The following SPATA33 variants were observed in gnomAD, a reference collection of about 807,000 sequenced individuals.
SPATA33 encodes spermatogenesis-associated protein 33.
SPATA33 carries 10 observed loss-of-function variants against 8.9 expected under a neutral mutation model. That is an observed-to-expected ratio of 1.12 (90% CI 0.69 to 1.90). The LOEUF is 1.90. SPATA33 is among the 40% of genes most tolerant of loss of function. The pLI, the probability that SPATA33 is intolerant of heterozygous loss-of-function variation, is 0.00. For synonymous variants in SPATA33, 96 were observed against 72.8 expected (o/e 1.32, Z -1.63); for missense variants, 241 against 178.3 (o/e 1.35, Z -2.00).
At chr16:89,658,038 G>T in intron 1 of SPATA33, 90 bp downstream of exon 1, 18 of 1,457,366 alleles carry the variant, frequency 1.2e-5, no homozygotes, top group South Asian at 1.0e-4. Context: ...CGGTGTGAGC[G>T]CAGGCGCCAG....
In SPATA33 at chr16:89,657,881, G is replaced by A. The variant is rs1328756743; in HGVS notation, c.-31G>A. Reference sequence around the variant, plus strand: ...CGGCCGCGGAGGTGTGGGGACCCGGGCTTGCGTCGGAGGGGGCGGTGGGCT... The same window carrying A: ...CGGCCGCGGAGGTGTGGGGACCCGGACTTGCGTCGGAGGGGGCGGTGGGCT... On this transcript the variant is annotated 5_prime_UTR_variant, in exon 1 of 3. Coordinates refer to ENST00000579310, the MANE Select transcript of SPATA33 (RefSeq NM_001271907.2). 4 of 1,516,622 alleles carry A rather than the reference G, an allele frequency of 2.6e-6. No individual in the cohort carries two copies. The South Asian group carries it at 3.7e-5, about 14-fold the overall frequency. 93.9% of individuals were successfully genotyped at this position (1,516,622 alleles called of 1,614,324 possible).
At position 89,660,739 on chromosome 16, in the gene SPATA33, C is replaced by G. The variant is rs11861615; in HGVS notation, c.211+2318C>G. The G allele has an allele frequency of 4.6e-3, 3,621 of 788,994 alleles. 106 individuals carry two copies. In the African/African-American group the frequency reaches 0.059, roughly 13 times the overall value. 48.9% of individuals were successfully genotyped at this position (788,994 alleles called of 1,614,324 possible). A position where few individuals can be genotyped will look rare whatever the true frequency, so the allele number is the denominator to read the frequency against. ...GTTGCTGGGCAGAAATGGGAGCCGG[C>G]CACAGCTGAGCACAAGAGGACTTTG... On this transcript the variant is annotated intron_variant, in intron 2 of 2. Transcript: ENST00000579310.
Position 89,658,393 on chromosome 16 carries a change from G to T in SPATA33, c.183G>T (p.Lys61Asn), listed in dbSNP as rs771371219. ...TCCACCCGGGGGCCGGGACAGCCAA[G>T]CACCCGCCGCCGGCAGCTTCGCTGG... ...DSLHPGAGTA[K>N]HPPPAASLEE... is the part of the protein sequence containing the mutation. The change falls in exon 2 of 3, where the codon AAG becomes AAT. Residue 61 changes from lysine (K) to asparagine (N), a missense_variant. By Grantham distance (94) the Lys-to-Asn change is moderately conservative. Transcript: ENST00000579310. 8.1e-6 allele frequency: 13 copies of T among 1,611,450 alleles called. No homozygotes were observed. Among genetic ancestry groups the T allele is most frequent in the Non-Finnish European group, 1.0e-5 (12 of 1,179,324 alleles).
Position 89,658,386 on chromosome 16 carries a change from C to T in SPATA33, c.176C>T (p.Thr59Ile). The T allele has an allele frequency of 6.2e-7, 1 of 1,612,342 alleles. No individual in the cohort carries two copies. Among genetic ancestry groups the T allele is most frequent in the Non-Finnish European group, 8.5e-7 (1 of 1,179,604 alleles). Residue 59 changes from threonine to isoleucine, a missense_variant, in exon 2 of 3, where the codon ACA becomes ATA. Coordinates refer to ENST00000579310, the MANE Select transcript of SPATA33 (RefSeq NM_001271907.2). ...PVDSLHPGAG[T>I]AKHPPPAASL... is the part of the protein sequence containing the mutation. ...GACAGCCTCCACCCGGGGGCCGGGA[C>T]AGCCAAGCACCCGCCGCCGGCAGCT... is the stretch of plus-strand genomic sequence containing the variant.
intron 1 of SPATA33, 79 bp downstream of exon 1, chr16:89,658,027 G>T: frequency 6.8e-7 from 1 of 1,468,740 alleles, no homozygotes; most frequent in East Asian, 2.6e-5. Flanking sequence ...GCTGGGCGGG[G>T]CGGTGTGAGC....
At position 89,658,339 on chromosome 16, in the gene SPATA33, C is replaced by G. The variant is rs144320409; in HGVS notation, c.129C>G (p.Asp43Glu). 11 of 1,613,858 alleles carry G rather than the reference C, an allele frequency of 6.8e-6. No individual in the cohort carries two copies. Among genetic ancestry groups the G allele is most frequent in the African/African-American group, 1.3e-5 (1 of 74,942 alleles). Residue 43 changes from aspartate (D) to glutamate (E), a missense_variant, in exon 2 of 3, where the codon GAC becomes GAG. Coordinates refer to ENST00000579310, the MANE Select transcript of SPATA33 (RefSeq NM_001271907.2). The stretch of plus-strand genomic sequence containing the variant: ...ATTCCCAGGAAGCCAGGCAGGCAGA[C>G]AGGGAGTCGGAGAAGCCTGTGGACA... ...EKHSQEARQA[D>E]RESEKPVDSL...
At chr16:89,658,872 T>A (rs2059924955) in intron 2 of SPATA33, 1 of 177,764 alleles carries the variant, frequency 5.6e-6, no homozygotes, top group Non-Finnish European at 1.2e-5. Context: ...GACAAAGGTG[T>A]CTTTTATAAC....
chr16:89,658,011 G>T, intron 1 of SPATA33, 63 bp downstream of exon 1: 3 of 1,489,630 alleles, frequency 2.0e-6, no homozygotes, highest in Non-Finnish European at 2.7e-6. Context: ...CCCAGGGCGG[G>T]GCTGGGCTGG....
chr16:89,661,376 C>T (rs1439527872), intron 2 of SPATA33: 2 of 216,148 alleles, frequency 9.3e-6, no homozygotes, highest in African/African-American at 4.7e-5. Context: ...GAGTTTCCTG[C>T]ATAAGCTCTC....
intron 2 of SPATA33, chr16:89,659,729 C>G (rs1042726901): frequency 6.6e-6 from 1 of 151,954 alleles, no homozygotes; most frequent in Non-Finnish European, 1.5e-5. Context: ...TCGGGTCAGA[C>G]AAGAAAGAAT....
intron 2 of SPATA33, chr16:89,659,573 C>G (rs1293924638): frequency 3.3e-5 from 5 of 152,256 alleles, no homozygotes; most frequent in Admixed American, 2.6e-4. Context: ...ACTCAGGAGG[C>G]TGAGGCAGGA....
chr16:89,658,463 G>C, intron 2 of SPATA33, 42 bp downstream of exon 2: 1 of 1,557,590 alleles, frequency 6.4e-7, no homozygotes, highest in South Asian at 1.2e-5. Context: ...TCAGTGGCTT[G>C]GAGGATCTGG....
intron 2 of SPATA33, among the ~76,000 whole-genome samples, chr16:89,666,806 C>T (rs2060032191): frequency 6.6e-6 from 1 of 152,218 alleles, no homozygotes; most frequent in African/African-American, 2.4e-5. Flanking sequence ...GGGCCCTTCC[C>T]TGCCTGGCAG....
intron 2 of SPATA33, chr16:89,659,914 C>G (rs1568010733): frequency 1.3e-5 from 2 of 152,240 alleles, no homozygotes; most frequent in East Asian, 1.9e-4. Flanking sequence ...GAACCCCTCA[C>G]AGGAGGGCGC....
upstream of SPATA33, chr16:89,657,821 G>C (rs994036251): frequency 6.6e-7 from 1 of 1,508,042 alleles, no homozygotes; most frequent in Non-Finnish European, 8.8e-7. Flanking sequence ...CACGCCGCTG[G>C]CGCGAGGACC....
chr16:89,658,555 G>T, intron 2 of SPATA33, 134 bp downstream of exon 2: 1 of 1,225,342 alleles, frequency 8.2e-7, no homozygotes, highest in Non-Finnish European at 1.1e-6. Context: ...AAACTGGTTT[G>T]TTTTGGGAAC....
rs1261891728 is a variant in SPATA33 at position 89,669,266 on chromosome 16, C to G, written c.212-20C>G. 3.7e-6 allele frequency: 6 copies of G among 1,611,418 alleles called. No individual in the cohort carries two copies. The highest frequency in any genetic ancestry group is 5.1e-6 in the Non-Finnish European group (6 of 1,177,678). On this transcript the variant is annotated intron_variant, in intron 2 of 2. Coordinates refer to ENST00000579310, the MANE Select transcript of SPATA33 (RefSeq NM_001271907.2). ...AGCTTTCCACACATCTACTAAATGC[C>G]TGGATGTTTTTTCCTCTAGAGAAAC...
upstream of SPATA33, chr16:89,657,827 G>C (rs753224788): frequency 1.9e-5 from 29 of 1,512,198 alleles, no homozygotes; most frequent in African/African-American, 2.9e-5. Context: ...GCTGGCGCGA[G>C]GACCTTTTGT....
In SPATA33 at chr16:89,658,057, C is replaced by G. The variant is rs780840564; in HGVS notation, c.37+109C>G. On this transcript the variant is annotated intron_variant, in intron 1 of 2. Coordinates refer to ENST00000579310, the MANE Select transcript of SPATA33 (RefSeq NM_001271907.2). ...GTGAGCGCAGGCGCCAGGCTCGGCC[C>G]GGTGCGAACCGTTCCTGCCGCCGAG... is the stretch of plus-strand genomic sequence containing the variant. 8.2e-6 allele frequency: 12 copies of G among 1,455,770 alleles called. No homozygotes were observed. In the Admixed American group the frequency reaches 1.1e-4, roughly 14 times the overall value. The allele number at this position is 1,455,770 out of a possible 1,614,324, so 90.2% of individuals were successfully genotyped here. A position where few individuals can be genotyped will look rare whatever the true frequency, so the allele number is the denominator to read the frequency against.
Sources: allele counts gnomAD v4.1 joint callset (sites outside exome capture counted in the v4.1 genomes callset), GRCh38; gene constraint gnomAD v4.1.1; transcripts MANE v1.5; gene names NCBI Gene and HGNC (gene_info 2026-07-23, HGNC 2026-07-21).